PPFIBP2: variants seen among roughly 807,000 people sequenced by gnomAD.
PPFIBP2 encodes the protein PPFIB scaffold protein 2, also known as liprin-beta-2.
PPFIBP2 carries 118 observed loss-of-function variants against 118.3 expected under a neutral mutation model. The observed-to-expected ratio is 1.00, with a 90% confidence interval of 0.86 to 1.16. The LOEUF is 1.16. PPFIBP2 is among the 50% of genes most tolerant of loss of function. The pLI, the probability that PPFIBP2 is intolerant of heterozygous loss-of-function variation, is 0.00. For missense variants in PPFIBP2, 1,195 were observed against 1,073.1 expected (o/e 1.11, Z -1.59); for synonymous variants, 414 against 397.4 (o/e 1.04, Z -0.50).
chr11:7,620,595 C>A (rs1360722033), intron 6 of PPFIBP2, among the ~76,000 whole-genome samples: 1 of 152,192 alleles, frequency 6.6e-6, no homozygotes, highest in African/African-American at 2.4e-5. Flanking sequence ...ATTTCAGCAT[C>A]TCTATTCTTC....
chr11:7,520,011 A>G (rs1849599586), intron 1 of PPFIBP2, among the ~76,000 whole-genome samples: 2 of 152,254 alleles, frequency 1.3e-5, no homozygotes, highest in South Asian at 4.2e-4. Context: ...TCCAGCATAG[A>G]GGGGTAGGTC....
At chr11:7,560,369 T>G (rs1469734970) in intron 2 of PPFIBP2, among the ~76,000 whole-genome samples, 1 of 152,218 alleles carries the variant, frequency 6.6e-6, no homozygotes, top group Non-Finnish European at 1.5e-5. Flanking sequence ...ATAAAAGTAA[T>G]GAAAATTAAT....
rs1296640281 is a variant in PPFIBP2 at position 7,650,910 on chromosome 11, A to AC, written c.2194dup (p.Leu732ProfsTer59). ...GTGATGGAGTGGTTACGATCTGTGG[A>AC]CCTGGCAGAGTATGCACCCAATCTT... On this transcript the variant is annotated frameshift_variant, in exon 22 of 24. Coordinates refer to ENST00000299492, the MANE Select transcript of PPFIBP2 (RefSeq NM_003621.5). LOFTEE classifies it high-confidence loss of function. 14 of 1,614,082 alleles carry AC rather than the reference A, an allele frequency of 8.7e-6. No homozygotes were observed. Among genetic ancestry groups the AC allele is most frequent in the African/African-American group, 1.3e-5 (1 of 75,030 alleles).
intron 3 of PPFIBP2, among the ~76,000 whole-genome samples, chr11:7,588,256 C>T (rs1166345072): frequency 6.6e-6 from 1 of 152,060 alleles, no homozygotes; most frequent in Non-Finnish European, 1.5e-5. Flanking sequence ...CCAAACTGCC[C>T]CTTATGTGGG....
chr11:7,567,155 C>T (rs996801913), intron 3 of PPFIBP2, among the ~76,000 whole-genome samples: 9 of 152,310 alleles, frequency 5.9e-5, no homozygotes, highest in East Asian at 1.9e-4. Flanking sequence ...GCCCTAGCAA[C>T]GCCTTTCCCA....
At chr11:7,561,725 T>C (rs919569211) in intron 2 of PPFIBP2, among the ~76,000 whole-genome samples, 14 of 152,254 alleles carry the variant, frequency 9.2e-5, no homozygotes, top group Non-Finnish European at 1.6e-4. Context: ...TATTTTACTG[T>C]GTAACATAAA....
At chr11:7,559,103 A>T (rs1427551613) in intron 2 of PPFIBP2, among the ~76,000 whole-genome samples, 1 of 152,228 alleles carries the variant, frequency 6.6e-6, no homozygotes, top group Non-Finnish European at 1.5e-5. Context: ...AAAGTTGAAA[A>T]TATTTGTGCT....
At chr11:7,586,182 A>AT (rs1455631968) in intron 3 of PPFIBP2, among the ~76,000 whole-genome samples, 3 of 152,092 alleles carry the variant, frequency 2.0e-5, no homozygotes, top group African/African-American at 4.8e-5. Context: ...GCCTGAAAGT[A>AT]TTTTGGTTAT....
At position 7,629,887 on chromosome 11, in the gene PPFIBP2, T is replaced by C. The variant is rs548378930; in HGVS notation, c.964+353T>C. ...ATCAAAAATCAACTCAGTGCCATCATTGGGGATTAGAGCTCATCCACCTCC... is the reference window on the plus strand; with the variant it reads ...ATCAAAAATCAACTCAGTGCCATCACTGGGGATTAGAGCTCATCCACCTCC... On this transcript the variant is annotated intron_variant, in intron 10 of 23. Coordinates refer to ENST00000299492, the MANE Select transcript of PPFIBP2 (RefSeq NM_003621.5). 3.9e-5 allele frequency among the ~76,000 whole-genome samples: 6 copies of C among 152,308 alleles called. No homozygotes were observed. In the South Asian group the frequency reaches 8.3e-4, roughly 21 times the overall value.
chr11:7,586,697 G>T (rs1858266383), intron 3 of PPFIBP2, among the ~76,000 whole-genome samples: 1 of 152,200 alleles, frequency 6.6e-6, no homozygotes, highest in Admixed American at 6.5e-5. Context: ...TCTTTCTGCA[G>T]AGAAGGTGGT....
chr11:7,557,923 A>G (rs1853828906), intron 2 of PPFIBP2, among the ~76,000 whole-genome samples: 1 of 152,168 alleles, frequency 6.6e-6, no homozygotes, highest in South Asian at 2.1e-4. Flanking sequence ...TAAATACAAC[A>G]CTTTAAAAAT....
intron 1 of PPFIBP2, among the ~76,000 whole-genome samples, chr11:7,540,256 G>C (rs1000265618): frequency 2.6e-5 from 4 of 152,212 alleles, no homozygotes; most frequent in Non-Finnish European, 5.9e-5. Context: ...GGTGTGGGGG[G>C]GCGGTGAGGC....
intron 7 of PPFIBP2, among the ~76,000 whole-genome samples, chr11:7,621,422 A>T (rs79769852): frequency 0.011 from 1,627 of 152,300 alleles, 33 homozygotes; most frequent in African/African-American, 0.037. Context: ...TTTTCAAAAA[A>T]ATAGGCATGC....
intron 3 of PPFIBP2, among the ~76,000 whole-genome samples, chr11:7,590,067 A>C (rs1179439061): frequency 6.6e-6 from 1 of 152,240 alleles, no homozygotes; most frequent in African/African-American, 2.4e-5. Context: ...GGTTATAAGA[A>C]TACAGAATAT....
rs114532670 is a variant in PPFIBP2, at chr11:7,617,484, G to A, written c.619-3451G>A. 7.7e-3 allele frequency among the ~76,000 whole-genome samples: 1,171 copies of A among 152,240 alleles called. 15 individuals carry two copies. The highest frequency in any genetic ancestry group is 0.027 in the African/African-American group (1,120 of 41,524). ...TGAGCTCAGTGACCCTCACTGAGCA[G>A]GGTCTGAGCAGGTGAGGCCAACCCT... On this transcript the variant is annotated intron_variant, in intron 6 of 23. Transcript: ENST00000299492.
At position 7,589,206 on chromosome 11, in the gene PPFIBP2, C is replaced by T. The variant is rs115183173; in HGVS notation, c.280-3926C>T. On this transcript the variant is annotated intron_variant, in intron 3 of 23. Transcript: ENST00000299492. ...GTAAAAATTAGCTCTTTCTTATATT[C>T]ATCTGTGGATTGAGCATCCTTAACA... Among the ~76,000 whole-genome samples, 472 of 152,296 alleles carry T rather than the reference C, an allele frequency of 3.1e-3. 3 individuals are homozygous for T. The highest frequency in any genetic ancestry group is 0.011 in the African/African-American group (454 of 41,560).
At chr11:7,592,892 A>G (rs569350792) in intron 3 of PPFIBP2, among the ~76,000 whole-genome samples, 1 of 152,244 alleles carries the variant, frequency 6.6e-6, no homozygotes, top group Non-Finnish European at 1.5e-5. Flanking sequence ...CCTGGCCAGG[A>G]GTGAGGTCAT....
At chr11:7,528,007 T>C (rs186963461) in intron 1 of PPFIBP2, among the ~76,000 whole-genome samples, 304 of 152,326 alleles carry the variant, frequency 2.0e-3, no homozygotes, top group African/African-American at 6.8e-3. Context: ...TTCAAGAAGA[T>C]ACCTGATCAT....
chr11:7,656,762 T>G (rs1854729386), downstream of PPFIBP2: 1 of 1,289,734 alleles, frequency 7.8e-7, no homozygotes, highest in Non-Finnish European at 1.0e-6. Context: ...TGAATGACTC[T>G]CGCCTGCCTG....
Sources: allele counts gnomAD v4.1 joint callset (sites outside exome capture counted in the v4.1 genomes callset), GRCh38; gene constraint gnomAD v4.1.1; transcripts MANE v1.5; gene names NCBI Gene and HGNC (gene_info 2026-07-23, HGNC 2026-07-21).